Variants in HDAC9 observed in about 807,000 individuals in gnomAD.
HDAC9 encodes the protein MEF-2 interacting transcription repressor (MITR) protein.
Under a neutral mutation model 139.4 loss-of-function variants are expected in HDAC9, and 41 were observed. That is an observed-to-expected ratio of 0.29 (90% CI 0.23 to 0.38). HDAC9 has a LOEUF of 0.38. Ranked by LOEUF, HDAC9 falls within the 10% of genes least tolerant of loss-of-function variation. HDAC9 has a pLI of 1.00. For synonymous variants in HDAC9, 517 were observed against 476.2 expected (o/e 1.09, Z -1.12); for missense variants, 1,147 against 1,297.0 (o/e 0.88, Z 1.78).
At chr7:18,366,542 C>T (rs986279886) in intron 1 of HDAC9, among the ~76,000 whole-genome samples, 1 of 152,058 alleles carries the variant, frequency 6.6e-6, no homozygotes, top group Non-Finnish European at 1.5e-5. Context: ...GGCTGATGAA[C>T]TTTTATATGG....
intron 1 of HDAC9, among the ~76,000 whole-genome samples, chr7:18,399,965 T>C (rs1333104325): frequency 6.6e-6 from 1 of 152,196 alleles, no homozygotes; most frequent in Non-Finnish European, 1.5e-5. Flanking sequence ...AACCCTTCTT[T>C]ACTGTCCTTG....
chr7:18,371,387 T>C (rs935452497), intron 1 of HDAC9, among the ~76,000 whole-genome samples: 3 of 152,192 alleles, frequency 2.0e-5, no homozygotes, highest in African/African-American at 7.2e-5. Context: ...TCAACTTTTT[T>C]CCACTAAAAT....
At chr7:18,676,333 GGAA>G (rs1162774531) in intron 12 of HDAC9, among the ~76,000 whole-genome samples, 1 of 151,764 alleles carries the variant, frequency 6.6e-6, no homozygotes, top group African/African-American at 2.4e-5. Flanking sequence ...AAATGTTCTG[GGAA>G]ACTTCCCCCC....
chr7:18,536,651 T>G (rs955397881), intron 2 of HDAC9, among the ~76,000 whole-genome samples: 1 of 152,154 alleles, frequency 6.6e-6, no homozygotes, highest in African/African-American at 2.4e-5. Flanking sequence ...TATATGGAAA[T>G]TTAAACCACC....
At chr7:18,499,730 C>T (rs1797881134) in intron 2 of HDAC9, among the ~76,000 whole-genome samples, 1 of 152,124 alleles carries the variant, frequency 6.6e-6, no homozygotes, top group Non-Finnish European at 1.5e-5. Flanking sequence ...GATATATTTA[C>T]AATAAGGAAA....
intron 1 of HDAC9, among the ~76,000 whole-genome samples, chr7:18,115,794 A>G (rs1013721904): frequency 6.6e-6 from 1 of 152,344 alleles, no homozygotes. Context: ...TTAAAATCCT[A>G]GAAGCTGATA....
intron 11 of HDAC9, among the ~76,000 whole-genome samples, chr7:18,661,653 C>T (rs1294924510): frequency 6.6e-6 from 1 of 151,966 alleles, no homozygotes; most frequent in African/African-American, 2.4e-5. Flanking sequence ...TCAAGTCCAG[C>T]ATTTTATATC....
At chr7:18,206,936 T>C (rs1160843104) in intron 2 of HDAC9, among the ~76,000 whole-genome samples, 3 of 151,274 alleles carry the variant, frequency 2.0e-5, no homozygotes, top group Non-Finnish European at 4.4e-5. Flanking sequence ...TTTTCTTTTT[T>C]TTTTTTTTTT....
Position 19,000,919 on chromosome 7 carries a change from C to T in HDAC9, c.*4857C>T, listed in dbSNP as rs763248421. 3.9e-5 allele frequency: 6 copies of T among 152,158 alleles called. No individual in the cohort carries two copies. Among genetic ancestry groups the T allele is most frequent in the Non-Finnish European group, 8.8e-5 (6 of 68,014 alleles). 9.4% of individuals were successfully genotyped at this position (152,158 alleles called of 1,614,324 possible). A position where few individuals can be genotyped will look rare whatever the true frequency, so the allele number is the denominator to read the frequency against. On this transcript the variant is annotated 3_prime_UTR_variant, in exon 26 of 26. Coordinates refer to ENST00000686413, the MANE Select transcript of HDAC9 (RefSeq NM_178425.4). ...TCTGAGATACCACTAGGCCTACTGT[C>T]TTTCATGCCATTTTATATAAACATT...
chr7:18,977,155 A>G (rs2129338714), intron 25 of HDAC9, among the ~76,000 whole-genome samples: 1 of 152,338 alleles, frequency 6.6e-6, no homozygotes, highest in Middle Eastern at 3.4e-3. Flanking sequence ...ATAACTTTAT[A>G]TGAATATCTA....
intron 16 of HDAC9, among the ~76,000 whole-genome samples, chr7:18,776,278 A>G (rs1790762665): frequency 6.6e-6 from 1 of 151,996 alleles, no homozygotes; most frequent in South Asian, 2.1e-4. Flanking sequence ...CGCAGTATCC[A>G]GCATCAATCC....
chr7:18,900,644 A>C (rs1045191288), intron 22 of HDAC9, among the ~76,000 whole-genome samples: 5 of 152,196 alleles, frequency 3.3e-5, no homozygotes, highest in African/African-American at 9.7e-5. Context: ...GCAGGGAGCC[A>C]CAAACTTTAG....
chr7:18,387,989 C>G (rs529902126), intron 1 of HDAC9, among the ~76,000 whole-genome samples: 86 of 151,354 alleles, frequency 5.7e-4, no homozygotes, highest in African/African-American at 2.0e-3. Flanking sequence ...ATTGCAGTAA[C>G]CCAGTGATTT....
rs189464062 is a variant in HDAC9, at chr7:18,201,091, T to A, written c.25+38742T>A. On this transcript the variant is annotated intron_variant, in intron 2 of 12. Transcript: ENST00000417496. ...TAGTTCTCACAGGAAGCTACGGCAC[T>A]GTTAGGATGGAACTCGTGTCCGCCT... Among the ~76,000 whole-genome samples the A allele has an allele frequency of 6.6e-5, 10 of 152,298 alleles. No individual in the cohort carries two copies. The East Asian group carries it at 1.7e-3, about 26-fold the overall frequency.
chr7:18,979,421 G>C (rs573532043), intron 25 of HDAC9, among the ~76,000 whole-genome samples: 1 of 152,094 alleles, frequency 6.6e-6, no homozygotes, highest in South Asian at 2.1e-4. Context: ...GTCTCCAAAG[G>C]CTTCTAGAAG....
intron 1 of HDAC9, among the ~76,000 whole-genome samples, chr7:18,453,731 T>C (rs901990620): frequency 6.6e-6 from 1 of 152,226 alleles, no homozygotes; most frequent in African/African-American, 2.4e-5. Flanking sequence ...TCCAAAATTT[T>C]TGTATAGATT....
chr7:18,272,886 A>G (rs1315151615), intron 2 of HDAC9, among the ~76,000 whole-genome samples: 1 of 151,462 alleles, frequency 6.6e-6, no homozygotes, highest in Non-Finnish European at 1.5e-5. Context: ...AGTGGGAAGA[A>G]TGGCATTATA....
chr7:18,323,089 T>C (rs1424668717), intron 1 of HDAC9, among the ~76,000 whole-genome samples: 1 of 152,160 alleles, frequency 6.6e-6, no homozygotes, highest in African/African-American at 2.4e-5. Context: ...TTATGTGTTA[T>C]TTATCCTTTC....
chr7:18,225,082 G>A (rs1792966018), intron 2 of HDAC9, among the ~76,000 whole-genome samples: 1 of 152,094 alleles, frequency 6.6e-6, no homozygotes, highest in South Asian at 2.1e-4. Context: ...TAAAGAACTT[G>A]TTGATTTCTC....
Sources: allele counts gnomAD v4.1 joint callset (sites outside exome capture counted in the v4.1 genomes callset), GRCh38; gene constraint gnomAD v4.1.1; transcripts MANE v1.5; gene names NCBI Gene and HGNC (gene_info 2026-07-23, HGNC 2026-07-21).